PDSS1: variants seen among roughly 807,000 people sequenced by gnomAD.
PDSS1 encodes the protein decaprenyl diphosphate synthase subunit 1.
Under a neutral mutation model 57.5 loss-of-function variants are expected in PDSS1, and 43 were observed. The ratio of observed to expected loss-of-function variants is 0.75; its 90% CI spans 0.59 to 0.96. PDSS1 has a LOEUF of 0.96. Ranked by LOEUF, PDSS1 falls within the 50% of genes least tolerant of loss-of-function variation. PDSS1 has a pLI of 0.00. For synonymous variants in PDSS1, 175 were observed against 191.3 expected, an observed-to-expected ratio of 0.91 and a Z score of 0.70; for missense variants, 438 against 527.8, an observed-to-expected ratio of 0.83 and a Z score of 1.67.
intron 4 of PDSS1, among the ~76,000 whole-genome samples, chr10:26,707,071 C>T (rs1055397370): frequency 2.0e-5 from 3 of 152,160 alleles, no homozygotes; most frequent in Admixed American, 6.5e-5. Context: ...GGACTTGCAT[C>T]CCGTCTCCCC....
chr10:26,716,769 C>T (rs1483986745), intron 5 of PDSS1, among the ~76,000 whole-genome samples: 2 of 151,752 alleles, frequency 1.3e-5, no homozygotes, highest in African/African-American at 4.9e-5. Context: ...TCATAGCATA[C>T]TCTTGCAGGT....
chr10:26,697,942 C>T, intron 1 of PDSS1, 102 bp downstream of exon 1: 1 of 1,049,722 alleles, frequency 9.5e-7, no homozygotes, highest in Non-Finnish European at 1.2e-6. Flanking sequence ...CGTCGCGACG[C>T]GGGGGCGCGC....
At chr10:26,733,101 A>G (rs539358990) in intron 8 of PDSS1, among the ~76,000 whole-genome samples, 2 of 152,200 alleles carry the variant, frequency 1.3e-5, no homozygotes, top group East Asian at 3.9e-4. Flanking sequence ...AAAGAAATAG[A>G]TTTTTAGAAA....
intron 11 of PDSS1, among the ~76,000 whole-genome samples, chr10:26,744,600 A>C (rs1187042040): frequency 6.6e-6 from 1 of 151,920 alleles, no homozygotes; most frequent in Non-Finnish European, 1.5e-5. Context: ...CATGTTGGCC[A>C]TTATGGTCTC....
intron 11 of PDSS1, 130 bp downstream of exon 11, chr10:26,742,707 A>C: frequency 1.5e-6 from 1 of 681,162 alleles, no homozygotes; most frequent in Non-Finnish European, 2.6e-6. Context: ...TTGATGTGAC[A>C]AAAACTGAGA....
chr10:26,700,467 C>G lies in PDSS1; in HGVS notation c.130-1695C>G, dbSNP rs537193741. On this transcript the variant is annotated intron_variant, in intron 1 of 11. Transcript: ENST00000376215. ...TTTGGCTCTGTGTGCCCACCCACATCTATCTCGAATTGTAATCCCCAATTA... is the reference window on the plus strand; with the variant it reads ...TTTGGCTCTGTGTGCCCACCCACATGTATCTCGAATTGTAATCCCCAATTA... 1.5e-4 allele frequency among the ~76,000 whole-genome samples: 23 copies of G among 152,238 alleles called. No homozygotes were observed. The South Asian group carries it at 4.8e-3, about 32-fold the overall frequency.
At chr10:26,733,418 A>G (rs1836284269) in intron 8 of PDSS1, among the ~76,000 whole-genome samples, 2 of 152,154 alleles carry the variant, frequency 1.3e-5, no homozygotes, top group Non-Finnish European at 2.9e-5. Context: ...GTGCCTGCTC[A>G]TGGGAAGGTG....
intron 11 of PDSS1, among the ~76,000 whole-genome samples, chr10:26,746,079 T>C (rs1047322514): frequency 6.6e-6 from 1 of 152,304 alleles, no homozygotes; most frequent in South Asian, 2.1e-4. Flanking sequence ...GGAAAACGAA[T>C]GACTATGTAA....
Position 26,723,797 on chromosome 10 carries a change from T to G in PDSS1, c.610-9T>G. On this transcript the variant is annotated splice_polypyrimidine_tract_variant and intron_variant, in intron 6 of 11. Coordinates refer to ENST00000376215, the MANE Select transcript of PDSS1 (RefSeq NM_014317.5). ...CAGAACGTTCTGTTTTCCCCCTGTCTTTTTCTAGGCTGTTCTTGCTGGAGA... is the reference window on the plus strand; with the variant it reads ...CAGAACGTTCTGTTTTCCCCCTGTCGTTTTCTAGGCTGTTCTTGCTGGAGA... 3.8e-6 allele frequency: 6 copies of G among 1,591,280 alleles called. No homozygotes were observed. Among genetic ancestry groups the G allele is most frequent in the Non-Finnish European group, 5.2e-6 (6 of 1,159,220 alleles).
intron 8 of PDSS1, among the ~76,000 whole-genome samples, chr10:26,730,259 G>C (rs1175527538): frequency 6.6e-6 from 1 of 151,828 alleles, no homozygotes; most frequent in Non-Finnish European, 1.5e-5. Flanking sequence ...TCTCATTCTT[G>C]CTGATTTCGT....
rs756579797 is a variant in PDSS1 at position 26,735,470 on chromosome 10, T to C, written c.917T>C (p.Ile306Thr). ...TCCCATTTTTCCTTTTGCCAGCTAATAGATGATGTATTGGACTTCACCTCG... is the reference window on the plus strand; with the variant it reads ...TCCCATTTTTCCTTTTGCCAGCTAACAGATGATGTATTGGACTTCACCTCG... The part of the protein sequence containing the change: ...GKNVGIAFQL[I>T]DDVLDFTSCS... The change falls in exon 10 of 12, where the codon ATA (isoleucine) becomes ACA (threonine). Residue 306 changes from isoleucine to threonine, a missense_variant. This residue lies in a region of PDSS1 where 284 missense variants were observed against 390.7 expected (regional missense o/e 0.73). Coordinates refer to ENST00000376215, the MANE Select transcript of PDSS1 (RefSeq NM_014317.5). The C allele has an allele frequency of 1.4e-5, 23 of 1,602,438 alleles. No homozygotes were observed. The highest frequency in any genetic ancestry group is 1.6e-5 in the Non-Finnish European group (19 of 1,169,348).
At chr10:26,730,069 C>T (rs1342001808) in intron 8 of PDSS1, among the ~76,000 whole-genome samples, 4 of 151,658 alleles carry the variant, frequency 2.6e-5, no homozygotes, top group African/African-American at 4.8e-5. Flanking sequence ...CCCGCTACCA[C>T]GCCCGGCTAA....
intron 10 of PDSS1, among the ~76,000 whole-genome samples, chr10:26,736,357 T>G (rs1836401007): frequency 6.6e-6 from 1 of 152,242 alleles, no homozygotes; most frequent in Non-Finnish European, 1.5e-5. Flanking sequence ...TAGTATTTAA[T>G]TTGTTATGTT....
In PDSS1 at chr10:26,720,294, G is replaced by C; in HGVS notation, c.544G>C (p.Val182Leu). ...IHTASLVHDD[V>L]IDDASSRRGK... ...CACTGCTAGTCTGGTTCACGATGAC[G>C]TTATTGACGATGCAAGTTCTCGAAG... is the stretch of plus-strand genomic sequence containing the variant. Residue 182 changes from valine (V) to leucine (L), a missense_variant, in exon 6 of 12, where the codon GTT becomes CTT. This residue lies in a region of PDSS1 where 284 missense variants were observed against 390.7 expected (regional missense o/e 0.73). Coordinates refer to ENST00000376215, the MANE Select transcript of PDSS1 (RefSeq NM_014317.5). 2 of 1,614,104 alleles carry C rather than the reference G, an allele frequency of 1.2e-6. No individual in the cohort carries two copies. The highest frequency in any genetic ancestry group is 1.7e-6 in the Non-Finnish European group (2 of 1,179,948).
At chr10:26,704,859 A>G in intron 3 of PDSS1, 118 bp downstream of exon 3, 2 of 681,652 alleles carry the variant, frequency 2.9e-6, no homozygotes, top group South Asian at 3.2e-5. Context: ...CTGGTCTTGA[A>G]CTGCTGGCCT....
At chr10:26,707,265 TG>T (rs1363873978) in intron 4 of PDSS1, among the ~76,000 whole-genome samples, 16 of 152,170 alleles carry the variant, frequency 1.1e-4, no homozygotes, top group Admixed American at 9.2e-4. Flanking sequence ...CCTCTTAGTG[TG>T]CATGGTTGAG....
chr10:26,723,801 TC>T lies in PDSS1; in HGVS notation c.610-4del. ...ACGTTCTGTTTTCCCCCTGTCTTTT[TC>T]TAGGCTGTTCTTGCTGGAGATTTAA... is the stretch of plus-strand genomic sequence containing the variant. On this transcript the variant is annotated splice_region_variant and splice_polypyrimidine_tract_variant and intron_variant, in intron 6 of 11. Transcript: ENST00000376215. 6.3e-7 allele frequency: 1 copy of T among 1,597,238 alleles called. No homozygotes were observed. The highest frequency in any genetic ancestry group is 1.1e-5 in the South Asian group (1 of 90,784).
In PDSS1 at chr10:26,746,495, G is replaced by A. The variant is rs1564442235; in HGVS notation, c.*22G>A. On this transcript the variant is annotated 3_prime_UTR_variant, in exon 12 of 12. Coordinates refer to ENST00000376215, the MANE Select transcript of PDSS1 (RefSeq NM_014317.5). ...ATGACAACTCTTTCTGTTCTTTCTGGCAGCTATCTTACCAGACTGTGCCTA... is the reference window on the plus strand; with the variant it reads ...ATGACAACTCTTTCTGTTCTTTCTGACAGCTATCTTACCAGACTGTGCCTA... 1.9e-6 allele frequency: 3 copies of A among 1,613,314 alleles called. No homozygotes were observed. The highest frequency in any genetic ancestry group is 2.7e-5 in the African/African-American group (2 of 74,872).
At chr10:26,724,661 T>G (rs1835896696) in intron 8 of PDSS1, among the ~76,000 whole-genome samples, 1 of 152,146 alleles carries the variant, frequency 6.6e-6, no homozygotes. Flanking sequence ...CACTACAACC[T>G]CCACCTCCCA....
Sources: gnomAD v4.1 joint callset for allele counts (sites outside exome capture counted in the v4.1 genomes callset) on GRCh38, gnomAD v4.1.1 for gene constraint, gnomAD v4.1.1 regional missense constraint, MANE v1.5 for transcripts, NCBI Gene and HGNC (gene_info 2026-07-23, HGNC 2026-07-21) for gene names.